The following KIAA0753 variants were observed in gnomAD, a reference collection of about 807,000 sequenced individuals.
The protein encoded by KIAA0753 is protein moonraker.
Under a neutral mutation model 116.9 loss-of-function variants are expected in KIAA0753, and 114 were observed. The observed-to-expected ratio is 0.98, with a 90% CI of 0.84 to 1.14. The LOEUF is 1.14. Among genes scored for constraint, KIAA0753 ranks in the 50% most tolerant of loss-of-function variants. The pLI, the probability that KIAA0753 is intolerant of heterozygous loss-of-function variation, is 0.00. For missense variants in KIAA0753, 1,156 were observed against 1,172.4 expected (o/e 0.99, Z 0.20); for synonymous variants, 405 against 413.1 (o/e 0.98, Z 0.24).
intron 16 of KIAA0753, among the ~76,000 whole-genome samples, chr17:6,592,685 C>A (rs140106214): frequency 6.6e-6 from 1 of 151,860 alleles, no homozygotes; most frequent in Non-Finnish European, 1.5e-5. Flanking sequence ...GGATCATAGA[C>A]CTACACATAA....
intron 14 of KIAA0753, 27 bp from the exon 15 acceptor site, chr17:6,596,370 A>G: frequency 9.8e-7 from 1 of 1,021,388 alleles, no homozygotes; most frequent in South Asian, 1.3e-5. Flanking sequence ...GGTGGGGAGG[A>G]GAGGCATGGG....
intron 18 of KIAA0753, among the ~76,000 whole-genome samples, chr17:6,584,991 A>T (rs1968460949): frequency 6.6e-6 from 1 of 151,690 alleles, no homozygotes; most frequent in Non-Finnish European, 1.5e-5. Flanking sequence ...TGTAGAGAAG[A>T]AGTCTCACCT....
Position 6,579,721 on chromosome 17 carries a change from A to T in KIAA0753, c.*26T>A, listed in dbSNP as rs1395170329. ...GGTGCCATCCCTTCTCCAGTGTGACACAAATGGCCTCGCCTCAGAGAGCCT... is the reference window on the plus strand; with the variant it reads ...GGTGCCATCCCTTCTCCAGTGTGACTCAAATGGCCTCGCCTCAGAGAGCCT... On this transcript the variant is annotated 3_prime_UTR_variant, in exon 19 of 19. Coordinates refer to ENST00000361413, the MANE Select transcript of KIAA0753 (RefSeq NM_014804.3). 1 of 1,521,564 alleles carries T rather than the reference A, an allele frequency of 6.6e-7. No homozygotes were observed. The highest frequency in any genetic ancestry group is 9.1e-7 in the Non-Finnish European group (1 of 1,097,422). 94.3% of individuals were successfully genotyped at this position (1,521,564 alleles called of 1,614,324 possible). A position where few individuals can be genotyped will look rare whatever the true frequency, so the allele number is the denominator to read the frequency against.
intron 2 of KIAA0753, among the ~76,000 whole-genome samples, chr17:6,630,932 A>G (rs1971987882): frequency 6.6e-6 from 1 of 152,234 alleles, no homozygotes; most frequent in Admixed American, 6.5e-5. Flanking sequence ...CAGAAAACAA[A>G]AATCAGAGAC....
At position 6,606,980 on chromosome 17, in the gene KIAA0753, G is replaced by C. The variant is rs1970236654; in HGVS notation, c.1920-18C>G. On this transcript the variant is annotated intron_variant, in intron 11 of 18. Transcript: ENST00000361413. ...AATCAAGCCTAGAGAACAGTATCAA[G>C]AGTCACCCCAACTCTCCTCAAGGCA... The C allele has an allele frequency of 6.2e-7, 1 of 1,609,338 alleles. No homozygotes were observed. Among genetic ancestry groups the C allele is most frequent in the Admixed American group, 1.7e-5 (1 of 59,994 alleles).
intron 12 of KIAA0753, 96 bp downstream of exon 12, chr17:6,606,777 A>G (rs1970222155): frequency 1.2e-6 from 1 of 840,234 alleles, no homozygotes; most frequent in South Asian, 1.5e-5. Context: ...CATGTAATGA[A>G]GTTAGGCCTT....
chr17:6,590,997 AAGG>A lies in KIAA0753; in HGVS notation c.2441-370_2441-368del, dbSNP rs1215058727. Among the ~76,000 whole-genome samples, 9 of 93,082 alleles carry A rather than the reference AAGG, an allele frequency of 9.7e-5. No homozygotes were observed. In the East Asian group the frequency reaches 3.0e-3, roughly 31 times the overall value. The allele number at this position is 93,082 out of a possible 152,430, so 61.1% of individuals were successfully genotyped here. A position where few individuals can be genotyped will look rare whatever the true frequency, so the allele number is the denominator to read the frequency against. ...GCGAAGAAGAAGAAGAAGAAAGAAG[AAGG>A]AAGAAGAAGGAAGAAGAAGGAAGAA... On this transcript the variant is annotated intron_variant, in intron 16 of 18. Coordinates refer to ENST00000361413, the MANE Select transcript of KIAA0753 (RefSeq NM_014804.3).
chr17:6,599,367 T>A, intron 13 of KIAA0753, 47 bp from the exon 14 acceptor site: 1 of 1,224,814 alleles, frequency 8.2e-7, no homozygotes. Context: ...GACTTATAGC[T>A]CCTATTAGTA....
intron 7 of KIAA0753, among the ~76,000 whole-genome samples, chr17:6,613,799 C>G (rs1970705537): frequency 6.6e-6 from 1 of 152,172 alleles, no homozygotes; most frequent in African/African-American, 2.4e-5. Flanking sequence ...AGCAGACTAT[C>G]AGTATAACAC....
chr17:6,628,428 T>A lies in KIAA0753; in HGVS notation c.407A>T (p.Lys136Met), dbSNP rs777044739. 8.1e-6 allele frequency: 13 copies of A among 1,614,116 alleles called. No homozygotes were observed. Among genetic ancestry groups the A allele is most frequent in the Non-Finnish European group, 1.7e-6 (2 of 1,180,038 alleles). ...CACCCTGTGGTCGGGTATTTTATAC[T>A]TAGTATGTCCACACTTCTGAGAGCT... is the stretch of plus-strand genomic sequence containing the variant. ...PQSSQKCGHT[K>M]YKIPDHRVER... The change falls in exon 3 of 19, where the codon AAG (lysine) becomes ATG (methionine). Residue 136 changes from lysine (K) to methionine (M), a missense_variant. Physicochemically the swap from Lys to Met is moderately conservative, Grantham distance 95. Coordinates refer to ENST00000361413, the MANE Select transcript of KIAA0753 (RefSeq NM_014804.3).
chr17:6,620,869 CCTTT>C lies in KIAA0753; in HGVS notation c.1230_1233del (p.Lys411ValfsTer21). 1 of 1,614,146 alleles carries C rather than the reference CCTTT, an allele frequency of 6.2e-7. No homozygotes were observed. The highest frequency in any genetic ancestry group is 8.5e-7 in the Non-Finnish European group (1 of 1,180,020). On this transcript the variant is annotated frameshift_variant, in exon 7 of 19. Transcript: ENST00000361413. LOFTEE classifies it high-confidence loss of function. ...TTTGCTGTGAGGGGCCTCCTCTCAC[CCTTT>C]GGTGATGTACTTGGCCATCTCTCCA...
intron 7 of KIAA0753, among the ~76,000 whole-genome samples, chr17:6,619,298 G>A (rs1652633567): frequency 6.6e-6 from 1 of 152,136 alleles, no homozygotes; most frequent in Admixed American, 6.6e-5. Flanking sequence ...GTAACTCAAG[G>A]GGGTAATTTC....
At chr17:6,614,770 A>G (rs1055264312) in intron 7 of KIAA0753, among the ~76,000 whole-genome samples, 1 of 152,104 alleles carries the variant, frequency 6.6e-6, no homozygotes, top group African/African-American at 2.4e-5. Context: ...AAAATATTCA[A>G]TGGGAAATTC....
Position 6,578,949 on chromosome 17 carries a change from CT to C in KIAA0753, c.*797del, listed in dbSNP as rs1442141863. 6.6e-6 allele frequency: 1 copy of C among 152,084 alleles called. No homozygotes were observed. Among genetic ancestry groups the C allele is most frequent in the Non-Finnish European group, 1.5e-5 (1 of 68,004 alleles). 9.4% of individuals were successfully genotyped at this position (152,084 alleles called of 1,614,324 possible). On this transcript the variant is annotated 3_prime_UTR_variant, in exon 19 of 19. Transcript: ENST00000361413. The stretch of plus-strand genomic sequence containing the variant: ...TCCTTTGTGGTATGAAATAGAGACA[CT>C]TCTGACCTCATCGGAGACACAGCGA...
rs1160330165 is a variant in KIAA0753, at chr17:6,591,061, A to G, written c.2441-431T>C. Among the ~76,000 whole-genome samples the G allele has an allele frequency of 1.1e-3, 82 of 72,546 alleles. 6 individuals are homozygous for G. The highest frequency in any genetic ancestry group is 4.7e-3 in the African/African-American group (68 of 14,552). 47.6% of individuals were successfully genotyped at this position (72,546 alleles called of 152,430 possible). ...AGAAGGAAGAAGAAGAAGAAGAAGA[A>G]GAAGAAGAAGAAGAAGAAGAAGAAG... On this transcript the variant is annotated intron_variant, in intron 16 of 18. Coordinates refer to ENST00000361413, the MANE Select transcript of KIAA0753 (RefSeq NM_014804.3).
At chr17:6,597,493 TAAAG>T (rs935061487) in intron 14 of KIAA0753, among the ~76,000 whole-genome samples, 5 of 152,174 alleles carry the variant, frequency 3.3e-5, no homozygotes, top group African/African-American at 1.2e-4. Flanking sequence ...ATATTATAAA[TAAAG>T]AAGCAGAGTA....
At chr17:6,615,777 T>A (rs368243107) in intron 7 of KIAA0753, among the ~76,000 whole-genome samples, 1 of 152,216 alleles carries the variant, frequency 6.6e-6, no homozygotes, top group African/African-American at 2.4e-5. Context: ...TTGAGGACAC[T>A]GCTGGTGGTG....
chr17:6,606,941 T>G lies in KIAA0753; in HGVS notation c.1941A>C (p.Glu647Asp). The G allele has an allele frequency of 6.2e-7, 1 of 1,614,086 alleles. No individual in the cohort carries two copies. Among genetic ancestry groups the G allele is most frequent in the Non-Finnish European group, 8.5e-7 (1 of 1,179,962 alleles). ...QKQRLDWLDA[E>D]TSRRTKELNE... ...TCAGTTCCTTTGTTCTTCTAGAAGT[T>G]TCAGCATCAAGCCAATCAAGCCTAG... The change falls in exon 12 of 19, where the codon GAA (glutamate) becomes GAC (aspartate). Residue 647 changes from glutamate to aspartate, a missense_variant. Transcript: ENST00000361413.
chr17:6,634,578 T>C (rs889065571), intron 2 of KIAA0753, among the ~76,000 whole-genome samples: 3 of 152,210 alleles, frequency 2.0e-5, no homozygotes, highest in Non-Finnish European at 4.4e-5. Context: ...TAATGGAATC[T>C]AGGTGAGGTG....
Sources: allele counts gnomAD v4.1 joint callset (sites outside exome capture counted in the v4.1 genomes callset), GRCh38; gene constraint gnomAD v4.1.1; transcripts MANE v1.5; gene names NCBI Gene and HGNC (gene_info 2026-07-23, HGNC 2026-07-21).